SPTBN4: variants seen among roughly 807,000 people sequenced by gnomAD.
SPTBN4 encodes the protein spectrin beta, non-erythrocytic 4, also known as spectrin beta chain, non-erythrocytic 4.
In SPTBN4, 96 loss-of-function variants were observed where a neutral mutation model predicts 277.8. The ratio of observed to expected loss-of-function variants is 0.35; its 90% confidence interval spans 0.29 to 0.41. The LOEUF is 0.41. Among genes scored for constraint, SPTBN4 ranks in the 10% least tolerant of loss-of-function variants. The pLI is 1.00. For missense variants in SPTBN4, 3,006 were observed against 3,595.7 expected, an observed-to-expected ratio of 0.84 and a Z score of 4.19; for synonymous variants, 1,481 against 1,580.3, an observed-to-expected ratio of 0.94 and a Z score of 1.49.
intron 12 of SPTBN4, among the ~76,000 whole-genome samples, chr19:40,504,367 TAGAG>T (rs1318079782): frequency 6.6e-6 from 1 of 150,986 alleles, no homozygotes; most frequent in Non-Finnish European, 1.5e-5. Context: ...CAGAGACAAA[TAGAG>T]AGAAATAGAA....
intron 12 of SPTBN4, among the ~76,000 whole-genome samples, chr19:40,504,724 T>C (rs2080305620): frequency 6.6e-6 from 1 of 151,308 alleles, no homozygotes; most frequent in South Asian, 2.1e-4. Context: ...GGCGTGTGCC[T>C]GTAGTCCTAG....
At chr19:40,497,804 A>G (rs930161790) in intron 7 of SPTBN4, among the ~76,000 whole-genome samples, 200 bp downstream of exon 7, 13 of 150,850 alleles carry the variant, frequency 8.6e-5, no homozygotes, top group African/African-American at 3.2e-4. Context: ...TCCCTCCCAC[A>G]TACCATCCTC....
At chr19:40,549,102 T>A in intron 20 of SPTBN4, 87 bp from the exon 21 acceptor site, 1 of 1,142,420 alleles carries the variant, frequency 8.8e-7, no homozygotes, top group Non-Finnish European at 1.2e-6. Context: ...CGGTGAGGGG[T>A]CTGGCTGTCA....
At chr19:40,501,771 G>C (rs1321690644) in intron 7 of SPTBN4, 150 bp from the exon 8 acceptor site, 2 of 671,274 alleles carry the variant, frequency 3.0e-6, no homozygotes, top group Non-Finnish European at 5.3e-6. Flanking sequence ...TCTATTTGAC[G>C]GATACAAAAC....
At position 40,568,006 on chromosome 19, in the gene SPTBN4, T is replaced by A; in HGVS notation, c.6680T>A (p.Val2227Glu). Residue 2227 changes from valine (V) to glutamate (E), a missense_variant, in exon 31 of 36, where the codon GTG (valine) becomes GAG (glutamate). This residue lies in a region of SPTBN4 where 630 missense variants were observed against 677.6 expected (regional missense o/e 0.93). Transcript: ENST00000598249. Reference sequence around the variant, plus strand: ...GCGACCCCCGCGGCGGCGGAGCAGGTGCGGCCACGACCGGAGCGCCAGGAG... The same window carrying A: ...GCGACCCCCGCGGCGGCGGAGCAGGAGCGGCCACGACCGGAGCGCCAGGAG... ...TPATPAAAEQ[V>E]RPRPERQESA... 6.5e-7 allele frequency: 1 copy of A among 1,527,678 alleles called. No individual in the cohort carries two copies. Among genetic ancestry groups the A allele is most frequent in the Non-Finnish European group, 8.8e-7 (1 of 1,139,978 alleles). 94.6% of individuals were successfully genotyped at this position (1,527,678 alleles called of 1,614,324 possible).
chr19:40,554,930 T>G lies in SPTBN4; in HGVS notation c.5084+284T>G. Reference sequence around the variant, plus strand: ...GTCTAGGACTGGGGTAGAGAAGAATTTACTCAGGACAGGCAAGGGGCTCTT... The same window carrying G: ...GTCTAGGACTGGGGTAGAGAAGAATGTACTCAGGACAGGCAAGGGGCTCTT... On this transcript the variant is annotated intron_variant, in intron 24 of 35. Coordinates refer to ENST00000598249, the MANE Select transcript of SPTBN4 (RefSeq NM_020971.3). This position sits in a 1 kb window ranked among gnomAD's most constrained non-coding sequence, Gnocchi z 5.7. 2.6e-6 allele frequency: 1 copy of G among 385,526 alleles called. No individual in the cohort carries two copies. Among genetic ancestry groups the G allele is most frequent in the East Asian group, 5.9e-5 (1 of 16,900 alleles). The allele number at this position is 385,526 out of a possible 1,614,324, so 23.9% of individuals were successfully genotyped here.
chr19:40,468,965 G>A (rs1435101246), intron 1 of SPTBN4, among the ~76,000 whole-genome samples: 1 of 152,176 alleles, frequency 6.6e-6, no homozygotes, highest in Non-Finnish European at 1.5e-5. Flanking sequence ...TGGTCATGGT[G>A]GAGCTTGCCT....
At chr19:40,572,620 C>G in intron 35 of SPTBN4, 1 of 557,378 alleles carries the variant, frequency 1.8e-6, no homozygotes, top group Non-Finnish European at 3.2e-6. Flanking sequence ...ACATCTTTGC[C>G]GTGGTCACTC....
At position 40,567,828 on chromosome 19, in the gene SPTBN4, C is replaced by G. The variant is rs760932101; in HGVS notation, c.6502C>G (p.Leu2168Val). The change falls in exon 31 of 36, where the codon CTC becomes GTC. Residue 2168 changes from leucine to valine, a missense_variant. Leu to Val is a conservative substitution (Grantham distance 32). Transcript: ENST00000598249. ...CCTGGCCCGCCGAGCCTCGGACACG[C>G]TCTCGGCCGAGGTGCGGACTCGGGT... ...EPLARRASDT[L>V]SAEVRTRVGY... 145 of 1,521,648 alleles carry G rather than the reference C, an allele frequency of 9.5e-5. No homozygotes were observed. The highest frequency in any genetic ancestry group is 1.2e-4 in the Non-Finnish European group (132 of 1,133,726). The allele number at this position is 1,521,648 out of a possible 1,614,324, so 94.3% of individuals were successfully genotyped here.
At chr19:40,506,847 C>T (rs868652406) in intron 13 of SPTBN4, among the ~76,000 whole-genome samples, 7 of 151,894 alleles carry the variant, frequency 4.6e-5, no homozygotes, top group Admixed American at 6.6e-5. Context: ...TAGCCAGGCA[C>T]GGTGATACAA....
rs61584591 is a variant in SPTBN4, at chr19:40,473,354, G to GTTTTTTTT, written c.169+577_169+584dup. 6.3e-3 allele frequency among the ~76,000 whole-genome samples: 622 copies of GTTTTTTTT among 99,002 alleles called. 11 individuals are homozygous for GTTTTTTTT. Among genetic ancestry groups the GTTTTTTTT allele is most frequent in the Non-Finnish European group, 8.9e-3 (451 of 50,788 alleles). 64.9% of individuals were successfully genotyped at this position (99,002 alleles called of 152,430 possible). Reference sequence around the variant, plus strand: ...CATGAGCCACTGCACCTGGCCTGGTGTTTTTTTTTTTTTTTTTTTTGAGAC... The same window carrying GTTTTTTTT: ...CATGAGCCACTGCACCTGGCCTGGTGTTTTTTTTTTTTTTTTTTTTTTTTTTTTGAGAC... On this transcript the variant is annotated intron_variant, in intron 2 of 35. Coordinates refer to ENST00000598249, the MANE Select transcript of SPTBN4 (RefSeq NM_020971.3).
At chr19:40,538,170 C>T (rs944334100) in intron 20 of SPTBN4, among the ~76,000 whole-genome samples, 2 of 147,164 alleles carry the variant, frequency 1.4e-5, no homozygotes. Context: ...GGGTGGTTCA[C>T]TTGAGATCAG....
intron 2 of SPTBN4, among the ~76,000 whole-genome samples, chr19:40,475,115 G>A (rs376601518): frequency 1.3e-5 from 2 of 152,094 alleles, no homozygotes; most frequent in African/African-American, 4.8e-5. Context: ...TAGACCTTTA[G>A]AACTGTAGAC....
At chr19:40,482,156 C>T (rs1356438434) in intron 2 of SPTBN4, among the ~76,000 whole-genome samples, 4 of 151,888 alleles carry the variant, frequency 2.6e-5, no homozygotes, top group African/African-American at 7.3e-5. Flanking sequence ...AGGCTGGTCT[C>T]GAACTCCTGA....
intron 30 of SPTBN4, chr19:40,567,252 C>T (rs1223262530): frequency 3.2e-6 from 1 of 310,118 alleles, no homozygotes; most frequent in African/African-American, 2.2e-5. Context: ...GAGCTATGAT[C>T]TTGCTGCTTG....
intron 18 of SPTBN4, among the ~76,000 whole-genome samples, chr19:40,531,684 C>T (rs542298983): frequency 1.4e-3 from 218 of 151,076 alleles, no homozygotes; most frequent in African/African-American, 5.0e-3. Context: ...TCTCTAGTGC[C>T]GTGAGAGGGG....
At position 40,487,781 on chromosome 19, in the gene SPTBN4, T is replaced by C; in HGVS notation, c.254T>C (p.Leu85Pro). Residue 85 changes from leucine (L) to proline (P), a missense_variant, in exon 3 of 36, where the codon CTC becomes CCC. By Grantham distance (98) the Leu-to-Pro change is moderately conservative. Around this residue, in one of 5 missense-constraint regions of SPTBN4, gnomAD observed 114 missense variants for 196.1 expected, o/e 0.58. Transcript: ENST00000598249. ...CGCGTGGGCTGCCACATCGGGGACC[T>C]CTATGTGGACCTCCGGGACGGCTTC... ...LARVGCHIGDLYVDLRDGFVL... is the reference protein window; with the variant it reads ...LARVGCHIGDPYVDLRDGFVL... The C allele has an allele frequency of 1.9e-6, 3 of 1,613,126 alleles. No individual in the cohort carries two copies. Among genetic ancestry groups the C allele is most frequent in the Non-Finnish European group, 2.5e-6 (3 of 1,179,622 alleles).
chr19:40,514,057 A>G (rs2145867421), intron 14 of SPTBN4, among the ~76,000 whole-genome samples: 1 of 152,262 alleles, frequency 6.6e-6, no homozygotes, highest in South Asian at 2.1e-4. Flanking sequence ...AGCACTTACC[A>G]TCCCATGACA....
At chr19:40,557,918 CAAAA>C (rs772813414) in intron 26 of SPTBN4, among the ~76,000 whole-genome samples, 2 of 44,340 alleles carry the variant, frequency 4.5e-5, no homozygotes. Context: ...TACTCTGTCT[CAAAA>C]AAAAAAAAAA....
Sources: gnomAD v4.1 joint callset for allele counts (sites outside exome capture counted in the v4.1 genomes callset) on GRCh38, gnomAD v4.1.1 for gene constraint, gnomAD v4.1.1 regional missense constraint, Gnocchi (gnomAD v3.1) non-coding constraint, MANE v1.5 for transcripts, NCBI Gene and HGNC (gene_info 2026-07-23, HGNC 2026-07-21) for gene names.